The following TEKT5 variants were observed in gnomAD, a reference collection of about 807,000 sequenced individuals.
TEKT5 encodes tektin-5.
TEKT5 carries 52 observed loss-of-function variants against 48.7 expected under a neutral mutation model. The ratio of observed to expected loss-of-function variants is 1.07; its 90% CI spans 0.86 to 1.35. TEKT5 has a LOEUF of 1.35. Among genes scored for constraint, TEKT5 ranks in the 40% most tolerant of loss-of-function variants. The pLI, the probability that TEKT5 is intolerant of heterozygous loss-of-function variation, is 0.00. For synonymous variants in TEKT5, 318 were observed against 267.6 expected (o/e 1.19, Z -1.84); for missense variants, 831 against 641.6 (o/e 1.30, Z -3.19).
In TEKT5 at chr16:10,674,371, C is replaced by T. The variant is rs141175887; in HGVS notation, c.1086+1588G>A. Among the ~76,000 whole-genome samples the T allele has an allele frequency of 2.0e-5, 3 of 152,168 alleles. No homozygotes were observed. The East Asian group carries it at 5.8e-4, about 29-fold the overall frequency. On this transcript the variant is annotated intron_variant, in intron 5 of 6. Coordinates refer to ENST00000283025, the MANE Select transcript of TEKT5 (RefSeq NM_144674.2). ...TTTCGAGGCCAGTCATGGTGGCTCA[C>T]GCCTGTAATCCTAACACTTTGGGAG...
intron 5 of TEKT5, among the ~76,000 whole-genome samples, chr16:10,669,872 C>A (rs1898523946): frequency 6.6e-6 from 1 of 152,150 alleles, no homozygotes; most frequent in Non-Finnish European, 1.5e-5. Flanking sequence ...CTGTGGCCAC[C>A]AACTTCTTTA....
chr16:10,676,817 C>T (rs896508300), intron 4 of TEKT5, among the ~76,000 whole-genome samples: 1 of 152,170 alleles, frequency 6.6e-6, no homozygotes, highest in African/African-American at 2.4e-5. Context: ...GTCCTCATGG[C>T]GGTTAAGTGC....
intron 5 of TEKT5, among the ~76,000 whole-genome samples, chr16:10,654,684 G>A (rs935637587): frequency 6.6e-6 from 1 of 152,094 alleles, no homozygotes; most frequent in East Asian, 1.9e-4. Context: ...CTCAGCCCCT[G>A]ACTCTTAGAC....
chr16:10,647,883 C>T (rs573728578), intron 5 of TEKT5, among the ~76,000 whole-genome samples: 7 of 152,206 alleles, frequency 4.6e-5, no homozygotes, highest in East Asian at 1.9e-4. Flanking sequence ...GCAGTGGATC[C>T]GAGTAACCAC....
intron 6 of TEKT5, among the ~76,000 whole-genome samples, chr16:10,629,067 A>G (rs988624044): frequency 5.9e-5 from 9 of 152,152 alleles, no homozygotes; most frequent in African/African-American, 2.2e-4. Context: ...TACGGACAGA[A>G]AGTTAACTGG....
intron 1 of TEKT5, among the ~76,000 whole-genome samples, chr16:10,692,033 G>T (rs1898989193): frequency 6.6e-6 from 1 of 152,130 alleles, no homozygotes; most frequent in African/African-American, 2.4e-5. Context: ...TTGGAAGGGA[G>T]CAGGAATTGG....
intron 6 of TEKT5, among the ~76,000 whole-genome samples, chr16:10,635,477 T>C (rs973423915): frequency 6.6e-6 from 1 of 152,092 alleles, no homozygotes; most frequent in Non-Finnish European, 1.5e-5. Flanking sequence ...AGAGGGTTTC[T>C]AGAGCACAAC....
Position 10,676,587 on chromosome 16 carries a change from ACAC to A in TEKT5, c.864-409_864-407del, listed in dbSNP as rs1027018641. 3.9e-5 allele frequency among the ~76,000 whole-genome samples: 6 copies of A among 152,048 alleles called. 1 individual carries two copies. The highest frequency in any genetic ancestry group is 5.9e-5 in the Non-Finnish European group (4 of 68,006). ...CAGAGAGCTCTTTTCCCTAACACCC[ACAC>A]CACCACCACCAGAAACACAACGTGG... On this transcript the variant is annotated intron_variant, in intron 4 of 6. Coordinates refer to ENST00000283025, the MANE Select transcript of TEKT5 (RefSeq NM_144674.2).
chr16:10,669,760 A>T (rs1898522781), intron 5 of TEKT5, among the ~76,000 whole-genome samples: 1 of 151,802 alleles, frequency 6.6e-6, no homozygotes, highest in African/African-American at 2.4e-5. Flanking sequence ...ACTCAAATGC[A>T]CATTCACTTG....
chr16:10,649,194 C>T (rs566614341), intron 5 of TEKT5, among the ~76,000 whole-genome samples: 2 of 152,290 alleles, frequency 1.3e-5, no homozygotes, highest in East Asian at 3.9e-4. Context: ...TCATATCTCA[C>T]TGCAGCCTAG....
At chr16:10,660,380 C>T (rs1898345825) in intron 5 of TEKT5, among the ~76,000 whole-genome samples, 1 of 152,118 alleles carries the variant, frequency 6.6e-6, no homozygotes, top group African/African-American at 2.4e-5. Context: ...TCCCCCCACC[C>T]CACCCCCACC....
At chr16:10,684,410 T>A (rs76180716) in intron 3 of TEKT5, among the ~76,000 whole-genome samples, 1 of 151,396 alleles carries the variant, frequency 6.6e-6, no homozygotes, top group African/African-American at 2.4e-5. Flanking sequence ...TTTTTTTTTT[T>A]CCTGCTGTGG....
chr16:10,690,824 C>T, intron 1 of TEKT5: 2 of 975,908 alleles, frequency 2.0e-6, no homozygotes, highest in Non-Finnish European at 2.4e-6. Context: ...ACAAAGGGCC[C>T]AGGAGCAGAA....
At chr16:10,633,107 T>G (rs908513887) in intron 6 of TEKT5, among the ~76,000 whole-genome samples, 2 of 152,206 alleles carry the variant, frequency 1.3e-5, no homozygotes, top group Admixed American at 1.3e-4. Context: ...ATGCCTGTAA[T>G]CCCAGCACTT....
intron 5 of TEKT5, among the ~76,000 whole-genome samples, chr16:10,664,810 G>C (rs550968629): frequency 1.3e-5 from 2 of 152,256 alleles, no homozygotes; most frequent in African/African-American, 4.8e-5. Context: ...CCGTTACTTT[G>C]TCATCCCTCC....
Position 10,676,034 on chromosome 16 carries a change from GTCTGTGAACTGCCTCCACA to G in TEKT5, c.992_1010del (p.Met331ThrfsTer13). ...TGCGGGCGTTGAAGGCCAGGTTGGT[GTCTGTGAACTGCCTCCACA>G]TCTGATCCGACAAGGTCTCAAAGAG... is the stretch of plus-strand genomic sequence containing the variant. On this transcript the variant is annotated frameshift_variant, in exon 5 of 7. Transcript: ENST00000283025. LOFTEE classifies it high-confidence loss of function. The G allele has an allele frequency of 6.2e-7, 1 of 1,614,248 alleles. No homozygotes were observed. Among genetic ancestry groups the G allele is most frequent in the Non-Finnish European group, 8.5e-7 (1 of 1,180,056 alleles).
intron 5 of TEKT5, among the ~76,000 whole-genome samples, chr16:10,653,233 G>A (rs1266390659): frequency 6.6e-6 from 1 of 152,228 alleles, no homozygotes; most frequent in Non-Finnish European, 1.5e-5. Flanking sequence ...AGCCAGCCCT[G>A]CCTTCCCCGC....
chr16:10,654,990 GA>G (rs1567229005), intron 5 of TEKT5, among the ~76,000 whole-genome samples: 3 of 118,592 alleles, frequency 2.5e-5, no homozygotes, highest in East Asian at 2.4e-4. Flanking sequence ...TGGGATCATT[GA>G]TTTTTTTGTT....
intron 2 of TEKT5, 32 bp downstream of exon 2, chr16:10,689,910 A>C: frequency 2.5e-6 from 4 of 1,611,568 alleles, no homozygotes; most frequent in Non-Finnish European, 2.5e-6. Context: ...CGCCTCCTTC[A>C]GGGGGCTGGG....
Sources: allele counts gnomAD v4.1 joint callset (sites outside exome capture counted in the v4.1 genomes callset), GRCh38; gene constraint gnomAD v4.1.1; transcripts MANE v1.5; gene names NCBI Gene and HGNC (gene_info 2026-07-23, HGNC 2026-07-21).